WDR49: variants seen among roughly 807,000 people sequenced by gnomAD.
WDR49 encodes the protein cilia- and flagella-associated protein 337.
WDR49 carries 107 observed loss-of-function variants against 119.5 expected under a neutral mutation model. The observed-to-expected ratio is 0.90, with a 90% CI of 0.77 to 1.05. The LOEUF is 1.05. Among genes scored for constraint, WDR49 ranks in the 50% least tolerant of loss-of-function variants. The pLI, the probability that WDR49 is intolerant of heterozygous loss-of-function variation, is 0.00. For missense variants in WDR49, 1,240 were observed against 1,220.5 expected (o/e 1.02, Z -0.24); for synonymous variants, 425 against 418.8 (o/e 1.01, Z -0.18).
At chr3:167,541,342 C>T (rs1223788297) in intron 10 of WDR49, among the ~76,000 whole-genome samples, 2 of 152,156 alleles carry the variant, frequency 1.3e-5, no homozygotes, top group Admixed American at 6.6e-5. Context: ...CTCAGATTAA[C>T]AGTAGATTTC....
chr3:167,553,409 T>C (rs986508246), intron 10 of WDR49, among the ~76,000 whole-genome samples: 17 of 152,112 alleles, frequency 1.1e-4, no homozygotes, highest in African/African-American at 4.1e-4. Context: ...TAGGTGACTC[T>C]ACATCTAATC....
intron 2 of WDR49, among the ~76,000 whole-genome samples, chr3:167,640,094 G>C (rs1031209838): frequency 2.6e-5 from 4 of 151,874 alleles, no homozygotes; most frequent in Non-Finnish European, 1.5e-5. Flanking sequence ...AGGAACGAAA[G>C]AAAGAGAATG....
At chr3:167,500,325 A>G (rs761680757) in intron 17 of WDR49, 26 bp from the exon 18 acceptor site, 4 of 1,603,604 alleles carry the variant, frequency 2.5e-6, no homozygotes, top group Non-Finnish European at 3.4e-6. Flanking sequence ...TTTTAGAGGA[A>G]GACAGGGAGA....
At chr3:167,597,280 G>T (rs1715526247) in intron 7 of WDR49, among the ~76,000 whole-genome samples, 2 of 152,222 alleles carry the variant, frequency 1.3e-5, no homozygotes, top group Admixed American at 6.5e-5. Context: ...AGCATTGGCA[G>T]CTTCCACATG....
In WDR49 at chr3:167,645,982, A is replaced by G. The variant is rs541707254; in HGVS notation, c.165+7279T>C. Among the ~76,000 whole-genome samples, 14 of 152,310 alleles carry G rather than the reference A, an allele frequency of 9.2e-5. No homozygotes were observed. The East Asian group carries it at 2.5e-3, about 27-fold the overall frequency. ...GAAAAGGCTTTCCTAAGGCAGTGGT[A>G]TTTACACACATGTGAGTAGGAGTTG... On this transcript the variant is annotated intron_variant, in intron 2 of 18. Transcript: ENST00000682715.
chr3:167,499,567 T>C (rs1751480353), intron 18 of WDR49, among the ~76,000 whole-genome samples: 1 of 152,210 alleles, frequency 6.6e-6, no homozygotes, highest in Admixed American at 6.5e-5. Flanking sequence ...GAATTATTCC[T>C]CAAACTTTTA....
chr3:167,596,776 T>G, intron 7 of WDR49, among the ~76,000 whole-genome samples: 3 of 148,712 alleles, frequency 2.0e-5, no homozygotes, highest in Admixed American at 6.7e-5. Flanking sequence ...TGCTAGATGA[T>G]GAGCTAGTGG....
At chr3:167,614,848 A>G (rs1329687352) in intron 5 of WDR49, among the ~76,000 whole-genome samples, 2 of 152,224 alleles carry the variant, frequency 1.3e-5, no homozygotes, top group Non-Finnish European at 2.9e-5. Flanking sequence ...TTTCATGAAG[A>G]GTTCTAAGAA....
rs1752284242 is a variant in WDR49, at chr3:167,517,953, C to T, written c.2774+4362G>A. On this transcript the variant is annotated intron_variant, in intron 16 of 18. Coordinates refer to ENST00000682715, the MANE Select transcript of WDR49 (RefSeq NM_001366157.1). ...CCTGTGTCCATGTGTTCTCATTCTT[C>T]AATTCCCACCTATGAGTGAGAACAT... 4.0e-5 allele frequency among the ~76,000 whole-genome samples: 6 copies of T among 150,812 alleles called. No homozygotes were observed. The South Asian group carries it at 1.1e-3, about 27-fold the overall frequency.
At chr3:167,542,037 A>G (rs1711875164) in intron 10 of WDR49, among the ~76,000 whole-genome samples, 1 of 152,116 alleles carries the variant, frequency 6.6e-6, no homozygotes, top group Non-Finnish European at 1.5e-5. Context: ...AAAAAAAGAC[A>G]AACAAGAACA....
intron 10 of WDR49, among the ~76,000 whole-genome samples, chr3:167,546,722 C>G (rs777726342): frequency 1.3e-5 from 2 of 148,670 alleles, no homozygotes; most frequent in African/African-American, 4.9e-5. Flanking sequence ...ATATTTAAAA[C>G]CACCTTTTTT....
chr3:167,620,944 G>A (rs1453525923), intron 4 of WDR49, among the ~76,000 whole-genome samples: 1 of 152,066 alleles, frequency 6.6e-6, no homozygotes. Context: ...ATTTTTCATA[G>A]TTCGGGTGAA....
At chr3:167,503,922 T>C (rs1364579652) in intron 17 of WDR49, among the ~76,000 whole-genome samples, 1 of 152,222 alleles carries the variant, frequency 6.6e-6, no homozygotes, top group African/African-American at 2.4e-5. Flanking sequence ...CAATAGATGA[T>C]TGGCTATTTC....
At chr3:167,651,520 T>C (rs188304690) in intron 2 of WDR49, among the ~76,000 whole-genome samples, 13 of 152,274 alleles carry the variant, frequency 8.5e-5, no homozygotes, top group African/African-American at 3.1e-4. Flanking sequence ...GTCTAACTTT[T>C]AGTACTGGCT....
intron 8 of WDR49, among the ~76,000 whole-genome samples, chr3:167,564,746 G>C (rs937590189): frequency 5.9e-5 from 9 of 152,158 alleles, no homozygotes; most frequent in African/African-American, 2.2e-4. Flanking sequence ...TTAGGAATAT[G>C]TGTCTCCTTT....
chr3:167,486,282 C>G (rs1158269558), intron 18 of WDR49, among the ~76,000 whole-genome samples: 1 of 152,030 alleles, frequency 6.6e-6, no homozygotes, highest in East Asian at 1.9e-4. Context: ...AAGAGCAACA[C>G]CTACTACCAC....
intron 16 of WDR49, among the ~76,000 whole-genome samples, chr3:167,513,085 T>C (rs549760715): frequency 3.9e-5 from 6 of 152,246 alleles, no homozygotes; most frequent in Non-Finnish European, 8.8e-5. Flanking sequence ...AACATTCAAA[T>C]TCAAGAAATC....
intron 16 of WDR49, among the ~76,000 whole-genome samples, chr3:167,515,364 TAAAC>T (rs1210170145): frequency 6.6e-6 from 1 of 152,106 alleles, no homozygotes; most frequent in African/African-American, 2.4e-5. Flanking sequence ...ATTCATCACA[TAAAC>T]AAAACTAAGA....
intron 6 of WDR49, among the ~76,000 whole-genome samples, chr3:167,603,559 G>C (rs919107154): frequency 6.6e-6 from 1 of 152,098 alleles, no homozygotes; most frequent in African/African-American, 2.4e-5. Flanking sequence ...TATTGAATGT[G>C]AGTTAATATG....
Sources: allele counts gnomAD v4.1 joint callset (sites outside exome capture counted in the v4.1 genomes callset), GRCh38; gene constraint gnomAD v4.1.1; transcripts MANE v1.5; gene names NCBI Gene and HGNC (gene_info 2026-07-23, HGNC 2026-07-21).